Variants in COX10 observed in about 807,000 individuals in gnomAD.
COX10 encodes the protein protoheme IX farnesyltransferase, mitochondrial.
In COX10, 27 loss-of-function variants were observed where a neutral mutation model predicts 37.3. That is an observed-to-expected ratio of 0.72 (90% confidence interval 0.53 to 1.00). The LOEUF is 1.00. Ranked by LOEUF, COX10 falls within the 50% of genes least tolerant of loss-of-function variation. The probability of loss-of-function intolerance (pLI) is 0.00; values close to 1 mark genes in which losing one functional copy is unlikely to be tolerated. For missense variants in COX10, 475 were observed against 563.2 expected (o/e 0.84, Z 1.59); for synonymous variants, 222 against 229.1 (o/e 0.97, Z 0.28).
At chr17:14,191,642 G>C (rs62052067) in intron 5 of COX10, among the ~76,000 whole-genome samples, 545 of 152,284 alleles carry the variant, frequency 3.6e-3, no homozygotes, top group Non-Finnish European at 5.9e-3. Context: ...ACCCTAGGAG[G>C]AAAAGATGAT....
At chr17:14,118,436 T>G (rs991290177) in intron 4 of COX10, among the ~76,000 whole-genome samples, 23 of 152,212 alleles carry the variant, frequency 1.5e-4, no homozygotes, top group African/African-American at 5.3e-4. Flanking sequence ...GAATTACTTT[T>G]TGAAGTTCTT....
chr17:14,098,525 A>T (rs928740413), intron 3 of COX10, among the ~76,000 whole-genome samples: 2 of 152,146 alleles, frequency 1.3e-5, no homozygotes, highest in African/African-American at 4.8e-5. Flanking sequence ...TTATGGTGTG[A>T]TATCTACAAA....
At chr17:14,177,163 G>A (rs867615529) in intron 5 of COX10, 9 of 674,094 alleles carry the variant, frequency 1.3e-5, no homozygotes, top group Middle Eastern at 2.4e-4. Context: ...TCACACTGCT[G>A]GGAGAGGAAT....
At chr17:14,194,905 A>G (rs1018018174) in intron 6 of COX10, among the ~76,000 whole-genome samples, 44 of 152,224 alleles carry the variant, frequency 2.9e-4, no homozygotes, top group African/African-American at 9.7e-4. Flanking sequence ...AACCTGGTAT[A>G]AAACAGAGCA....
chr17:14,097,118 A>G (rs1915668879), intron 3 of COX10, among the ~76,000 whole-genome samples: 2 of 152,182 alleles, frequency 1.3e-5, no homozygotes, highest in Admixed American at 6.5e-5. Flanking sequence ...TTCACTTTTA[A>G]TGAGATTTTG....
rs11315138 is a variant in COX10 at position 14,155,329 on chromosome 17, TAAAA to T, written c.625-4534_625-4531del. 2.3e-3 allele frequency among the ~76,000 whole-genome samples: 327 copies of T among 144,768 alleles called. 2 individuals are homozygous for T. The highest frequency in any genetic ancestry group is 7.9e-3 in the African/African-American group (308 of 39,134). The allele number at this position is 144,768 out of a possible 152,430, so 95.0% of individuals were successfully genotyped here. On this transcript the variant is annotated intron_variant, in intron 4 of 6. Coordinates refer to ENST00000261643, the MANE Select transcript of COX10 (RefSeq NM_001303.4). ...AGTTTGTGATGTTAAAACATCTACA[TAAAA>T]AAAAAAAAAAAAACAGCAATCAAGT... is the stretch of plus-strand genomic sequence containing the variant.
At chr17:14,072,784 T>C (rs1346662250) in intron 1 of COX10, among the ~76,000 whole-genome samples, 1 of 152,212 alleles carries the variant, frequency 6.6e-6, no homozygotes, top group African/African-American at 2.4e-5. Context: ...CTCCTTCCCA[T>C]AGTCCAGGTG....
At chr17:14,110,004 G>GA (rs879763875) in intron 4 of COX10, among the ~76,000 whole-genome samples, 4 of 151,332 alleles carry the variant, frequency 2.6e-5, no homozygotes, top group African/African-American at 9.7e-5. Flanking sequence ...TGGGATTTCA[G>GA]AAAAAAAAGA....
intron 4 of COX10, among the ~76,000 whole-genome samples, chr17:14,135,480 G>T (rs529552415): frequency 1.3e-5 from 2 of 151,692 alleles, no homozygotes; most frequent in African/African-American, 4.8e-5. Flanking sequence ...CTCCACTCCC[G>T]GATATTCTAC....
At chr17:14,165,321 ATATGGTC>A (rs1186331932) in intron 5 of COX10, among the ~76,000 whole-genome samples, 26 of 152,332 alleles carry the variant, frequency 1.7e-4, no homozygotes, top group African/African-American at 5.8e-4. Context: ...TTGCAGCAGC[ATATGGTC>A]ACTTTGTGTC....
chr17:14,128,762 G>A (rs1916397806), intron 4 of COX10, among the ~76,000 whole-genome samples: 1 of 152,224 alleles, frequency 6.6e-6, no homozygotes, highest in Non-Finnish European at 1.5e-5. Flanking sequence ...GTTACAGCAG[G>A]ACTATAGAAC....
At chr17:14,082,945 C>T (rs115361599) in intron 3 of COX10, among the ~76,000 whole-genome samples, 82 of 152,220 alleles carry the variant, frequency 5.4e-4, no homozygotes, top group African/African-American at 1.3e-3. Flanking sequence ...AGGTAGGCAG[C>T]GAGTACTAGT....
intron 4 of COX10, among the ~76,000 whole-genome samples, chr17:14,142,406 C>T (rs1336960259): frequency 6.6e-6 from 1 of 152,122 alleles, no homozygotes; most frequent in African/African-American, 2.4e-5. Flanking sequence ...GATTTAATGA[C>T]CAAATGCCAT....
intron 3 of COX10, among the ~76,000 whole-genome samples, chr17:14,101,549 T>G (rs1401500274): frequency 6.6e-6 from 1 of 152,188 alleles, no homozygotes; most frequent in East Asian, 1.9e-4. Flanking sequence ...TTTGATTCTG[T>G]ACCTCGCCTC....
chr17:14,159,577 G>T (rs1347786899), intron 4 of COX10, among the ~76,000 whole-genome samples: 1 of 152,122 alleles, frequency 6.6e-6, no homozygotes, highest in Admixed American at 6.5e-5. Context: ...CACATGGGGG[G>T]TCCTAGAGCC....
At chr17:14,114,921 C>T (rs568630428) in intron 4 of COX10, among the ~76,000 whole-genome samples, 1 of 152,260 alleles carries the variant, frequency 6.6e-6, no homozygotes, top group African/African-American at 2.4e-5. Context: ...ACATTCTCCT[C>T]TGAGATCTCC....
intron 4 of COX10, among the ~76,000 whole-genome samples, chr17:14,141,873 G>A (rs1349906983): frequency 1.3e-5 from 2 of 152,118 alleles, no homozygotes; most frequent in Non-Finnish European, 2.9e-5. Context: ...ATATGATCTG[G>A]AAGATTTTTT....
intron 4 of COX10, among the ~76,000 whole-genome samples, chr17:14,116,655 A>G (rs1028044935): frequency 5.5e-4 from 9 of 16,382 alleles, no homozygotes; most frequent in African/African-American, 6.2e-4. Context: ...GCATGCATGT[A>G]CACACACACA....
At position 14,207,512 on chromosome 17, in the gene COX10, G is replaced by A. The variant is rs941546985; in HGVS notation, c.*299G>A. On this transcript the variant is annotated 3_prime_UTR_variant, in exon 7 of 7. Coordinates refer to ENST00000261643, the MANE Select transcript of COX10 (RefSeq NM_001303.4). ...TCTGTTTCTTCCTCCTCACATGGGG[G>A]TACACATACACAGCTTCCTCTTTTG... 3 of 350,984 alleles carry A rather than the reference G, an allele frequency of 8.5e-6. No individual in the cohort carries two copies. The highest frequency in any genetic ancestry group is 1.6e-5 in the Non-Finnish European group (3 of 190,906). The allele number at this position is 350,984 out of a possible 1,614,324, so 21.7% of individuals were successfully genotyped here. A position where few individuals can be genotyped will look rare whatever the true frequency, so the allele number is the denominator to read the frequency against.
Sources: gnomAD v4.1 joint callset for allele counts (sites outside exome capture counted in the v4.1 genomes callset) on GRCh38, gnomAD v4.1.1 for gene constraint, MANE v1.5 for transcripts, NCBI Gene and HGNC (gene_info 2026-07-23, HGNC 2026-07-21) for gene names.